DLEU7: variants seen among roughly 807,000 people sequenced by gnomAD.
The protein encoded by DLEU7 is leukemia-associated protein 7.
DLEU7 carries 17 observed loss-of-function variants against 16.0 expected under a neutral mutation model. The observed-to-expected ratio is 1.06, with a 90% CI of 0.73 to 1.59. The LOEUF (loss-of-function observed/expected upper bound fraction) is 1.59, where lower values mean the gene tolerates loss of function less well. Ranked by LOEUF, DLEU7 falls within the 40% of genes most tolerant of loss-of-function variation. The probability of loss-of-function intolerance (pLI) is 0.00; values close to 1 mark genes in which losing one functional copy is unlikely to be tolerated. For missense variants in DLEU7, 308 were observed against 314.9 expected (o/e 0.98, Z 0.17); for synonymous variants, 113 against 139.8 (o/e 0.81, Z 1.35).
chr13:50,728,565 G>T (rs1359147648), intron 1 of DLEU7, among the ~76,000 whole-genome samples: 3 of 151,108 alleles, frequency 2.0e-5, no homozygotes, highest in African/African-American at 7.3e-5. Context: ...TTTTTTTTCA[G>T]CGAGGTTAAT....
chr13:50,726,877 G>A lies in DLEU7; in HGVS notation c.460-13637C>T, dbSNP rs542193866. Reference sequence around the variant, plus strand: ...TCTAGACTTACTGAGATTCTTGGATGACACATGCCAATTAATCCAGTTAAT... The same window carrying A: ...TCTAGACTTACTGAGATTCTTGGATAACACATGCCAATTAATCCAGTTAAT... On this transcript the variant is annotated intron_variant, in intron 1 of 1. Transcript: ENST00000400393. The surrounding 1 kb of genome is among the most constrained non-coding windows in gnomAD (Gnocchi z 4.0). Among the ~76,000 whole-genome samples, 6 of 152,290 alleles carry A rather than the reference G, an allele frequency of 3.9e-5. No homozygotes were observed. In the South Asian group the frequency reaches 1.2e-3, roughly 32 times the overall value.
chr13:50,823,161 A>G lies in DLEU7; in HGVS notation c.*153T>C, dbSNP rs936815437. On this transcript the variant is annotated 3_prime_UTR_variant, in exon 2 of 2. Transcript: ENST00000504404. ...TTAACATGCTATAATCCCGAAGGCT[A>G]CAGATGCCACTGGTCAGACTGCTCC... The G allele has an allele frequency of 4.2e-6, 6 of 1,431,300 alleles. No homozygotes were observed. The highest frequency in any genetic ancestry group is 5.5e-6 in the Non-Finnish European group (6 of 1,095,002). The allele number at this position is 1,431,300 out of a possible 1,614,324, so 88.7% of individuals were successfully genotyped here. A position where few individuals can be genotyped will look rare whatever the true frequency, so the allele number is the denominator to read the frequency against.
At chr13:50,814,692 C>CAA (rs759474386) in intron 1 of DLEU7, among the ~76,000 whole-genome samples, 1 of 149,302 alleles carries the variant, frequency 6.7e-6, no homozygotes. Flanking sequence ...CACACACACA[C>CAA]ACACACACAC....
intron 1 of DLEU7, among the ~76,000 whole-genome samples, chr13:50,773,010 T>C (rs1337180322): frequency 1.3e-5 from 2 of 152,198 alleles, no homozygotes; most frequent in East Asian, 1.9e-4. Flanking sequence ...CTTCATTTCA[T>C]TAATTTGTTC....
chr13:50,828,145 G>A (rs1877155592), intron 1 of DLEU7, among the ~76,000 whole-genome samples: 1 of 152,080 alleles, frequency 6.6e-6, no homozygotes, highest in Non-Finnish European at 1.5e-5. Flanking sequence ...AGCTTCCTCT[G>A]AAACTAGATA....
chr13:50,744,093 G>A (rs1214316948), intron 1 of DLEU7, among the ~76,000 whole-genome samples: 2 of 152,162 alleles, frequency 1.3e-5, no homozygotes, highest in African/African-American at 4.8e-5. Context: ...TTTGCTTTGT[G>A]TCATGTCAGC....
intron 1 of DLEU7, among the ~76,000 whole-genome samples, chr13:50,841,911 T>C (rs1309272043): frequency 6.6e-6 from 1 of 152,182 alleles, no homozygotes; most frequent in African/African-American, 2.4e-5. Context: ...AAAGTGAGTG[T>C]AGGAGTGCTT....
intron 1 of DLEU7, among the ~76,000 whole-genome samples, chr13:50,775,000 C>T (rs1358821780): frequency 6.6e-6 from 1 of 152,012 alleles, no homozygotes; most frequent in Non-Finnish European, 1.5e-5. Flanking sequence ...TATACCCATG[C>T]TTTCCTATAA....
At chr13:50,752,927 G>A (rs1158394011) in intron 1 of DLEU7, among the ~76,000 whole-genome samples, 1 of 152,128 alleles carries the variant, frequency 6.6e-6, no homozygotes, top group Non-Finnish European at 1.5e-5. Context: ...CTGATTGGTA[G>A]AGCCAAGGGG....
At chr13:50,770,484 G>A (rs1395975659) in intron 1 of DLEU7, among the ~76,000 whole-genome samples, 1 of 152,126 alleles carries the variant, frequency 6.6e-6, no homozygotes. Flanking sequence ...ATCATGAAGC[G>A]CTGTTGAATT....
intron 1 of DLEU7, among the ~76,000 whole-genome samples, chr13:50,756,424 G>C (rs1874759862): frequency 6.6e-6 from 1 of 152,150 alleles, no homozygotes; most frequent in African/African-American, 2.4e-5. Flanking sequence ...GAGGTTCCCA[G>C]GTCAATGGAG....
intron 1 of DLEU7, among the ~76,000 whole-genome samples, chr13:50,717,538 T>C (rs1266571212): frequency 6.6e-6 from 1 of 152,070 alleles, no homozygotes; most frequent in East Asian, 1.9e-4. Context: ...TAAATGCTTA[T>C]TAATTAACAA....
At chr13:50,801,091 A>G (rs889009747) in intron 1 of DLEU7, among the ~76,000 whole-genome samples, 8 of 152,212 alleles carry the variant, frequency 5.3e-5, no homozygotes, top group African/African-American at 1.9e-4. Context: ...GTTGTTGTCT[A>G]CAAGAAGGTC....
intron 1 of DLEU7, among the ~76,000 whole-genome samples, chr13:50,825,858 A>C (rs1877064985): frequency 6.6e-6 from 1 of 152,180 alleles, no homozygotes. Flanking sequence ...AATTGAACTA[A>C]GATTATTATT....
chr13:50,806,608 A>C (rs1323018130), intron 1 of DLEU7, among the ~76,000 whole-genome samples: 2 of 152,140 alleles, frequency 1.3e-5, no homozygotes, highest in Non-Finnish European at 2.9e-5. Context: ...AGTAATTACA[A>C]ATAAATAAAT....
intron 1 of DLEU7, among the ~76,000 whole-genome samples, chr13:50,756,867 A>G (rs1874775983): frequency 6.6e-6 from 1 of 152,036 alleles, no homozygotes; most frequent in Non-Finnish European, 1.5e-5. Context: ...CTGCTTGGGG[A>G]CCCAGCGAGC....
chr13:50,718,321 T>G (rs1873495379), intron 1 of DLEU7, among the ~76,000 whole-genome samples: 1 of 152,174 alleles, frequency 6.6e-6, no homozygotes. Flanking sequence ...TTTGAGACAG[T>G]GGAACCATTT....
chr13:50,765,346 T>C (rs1426265172), intron 1 of DLEU7, among the ~76,000 whole-genome samples: 3 of 152,038 alleles, frequency 2.0e-5, no homozygotes, highest in Non-Finnish European at 4.4e-5. Context: ...TGGAGGACTT[T>C]AGAAAGCGAA....
intron 1 of DLEU7, chr13:50,839,980 A>C (rs1877592254): frequency 6.6e-6 from 1 of 152,170 alleles, no homozygotes; most frequent in South Asian, 2.1e-4. Flanking sequence ...AGTAGGTTTG[A>C]AATGCTCCAT....
Sources: gnomAD v4.1 joint callset for allele counts (sites outside exome capture counted in the v4.1 genomes callset) on GRCh38, gnomAD v4.1.1 for gene constraint, Gnocchi (gnomAD v3.1) non-coding constraint, MANE v1.5 for transcripts, NCBI Gene and HGNC (gene_info 2026-07-23, HGNC 2026-07-21) for gene names.